Variants in BAZ1A observed in about 807,000 individuals in gnomAD.
The protein encoded by BAZ1A is bromodomain adjacent to zinc finger domain protein 1A.
In BAZ1A, 50 loss-of-function variants were observed where a neutral mutation model predicts 185.2. The ratio of observed to expected loss-of-function variants is 0.27; its 90% CI spans 0.22 to 0.34. The LOEUF (loss-of-function observed/expected upper bound fraction) is 0.34, where lower values mean the gene tolerates loss of function less well. Ranked by LOEUF, BAZ1A falls within the 10% of genes least tolerant of loss-of-function variation. The pLI is 1.00. For synonymous variants in BAZ1A, 571 were observed against 615.6 expected (o/e 0.93, Z 1.07); for missense variants, 1,356 against 1,839.9 (o/e 0.74, Z 4.81).
intron 3 of BAZ1A, among the ~76,000 whole-genome samples, chr14:34,834,103 G>A (rs2042292785): frequency 6.6e-6 from 1 of 152,108 alleles, no homozygotes; most frequent in Non-Finnish European, 1.5e-5. Flanking sequence ...AAAAGGCTCT[G>A]TACTTTAGTA....
chr14:34,825,892 C>G (rs1594879223), intron 4 of BAZ1A, 121 bp downstream of exon 4: 3 of 964,062 alleles, frequency 3.1e-6, no homozygotes, highest in Non-Finnish European at 4.3e-6. Context: ...GAGCTGAGAT[C>G]GAGCCACTGT....
chr14:34,764,965 T>G (rs1594813860), intron 22 of BAZ1A, 32 bp from the exon 23 acceptor site: 1 of 1,613,518 alleles, frequency 6.2e-7, no homozygotes, highest in Middle Eastern at 1.7e-4. Context: ...TCATTAATCA[T>G]CTATTGCTCA....
At chr14:34,807,220 G>C (rs887000623) in intron 6 of BAZ1A, among the ~76,000 whole-genome samples, 3 of 151,232 alleles carry the variant, frequency 2.0e-5, no homozygotes, top group African/African-American at 7.3e-5. Context: ...ATTTTCACCT[G>C]TCCTTGTTGA....
intron 3 of BAZ1A, among the ~76,000 whole-genome samples, chr14:34,848,052 G>A (rs2042541905): frequency 6.6e-6 from 1 of 152,022 alleles, no homozygotes; most frequent in Non-Finnish European, 1.5e-5. Flanking sequence ...TATAGAGGCG[G>A]GGTTTTGTCA....
chr14:34,868,894 ATGTATGTGTG>A (rs1464623130), intron 2 of BAZ1A, among the ~76,000 whole-genome samples: 127 of 71,128 alleles, frequency 1.8e-3, no homozygotes, highest in African/African-American at 5.1e-3. Flanking sequence ...GTATGTAAGT[ATGTATGTGTG>A]TGTGTGTGTG....
chr14:34,798,734 A>C (rs936547940), intron 9 of BAZ1A, among the ~76,000 whole-genome samples: 1 of 152,180 alleles, frequency 6.6e-6, no homozygotes, highest in Non-Finnish European at 1.5e-5. Context: ...TCAGGAAACA[A>C]CAGATGCTGG....
chr14:34,851,151 A>G (rs1201174629), intron 3 of BAZ1A, among the ~76,000 whole-genome samples: 1 of 151,908 alleles, frequency 6.6e-6, no homozygotes, highest in Non-Finnish European at 1.5e-5. Context: ...TGGCCAACGT[A>G]GCGAAATCCC....
intron 12 of BAZ1A, among the ~76,000 whole-genome samples, chr14:34,787,630 C>T (rs1880567583): frequency 6.6e-6 from 1 of 152,048 alleles, no homozygotes; most frequent in Non-Finnish European, 1.5e-5. Context: ...TTTCAGTGAG[C>T]CGAGATCACA....
At chr14:34,800,089 A>G (rs976120974) in intron 9 of BAZ1A, 135 bp downstream of exon 9, 1 of 928,760 alleles carries the variant, frequency 1.1e-6, no homozygotes, top group Non-Finnish European at 1.5e-6. Context: ...AGGGAGATAA[A>G]CCAATCAACT....
chr14:34,791,695 TTC>T (rs1229105748), intron 12 of BAZ1A, among the ~76,000 whole-genome samples: 1 of 152,204 alleles, frequency 6.6e-6, no homozygotes, highest in East Asian at 1.9e-4. Flanking sequence ...CTCCTAACAG[TTC>T]TGTTTTACTG....
Position 34,753,644 on chromosome 14 carries a change from T to G in BAZ1A, c.4535A>C (p.Asn1512Thr). ...FSNCFEYNPR[N>T]TSEAKAGTRL... is the part of the protein sequence containing the mutation. The stretch of plus-strand genomic sequence containing the variant: ...AGTTCCAGCTTTTGCTTCACTTGTG[T>G]TACGAGGGTTGTATTCAAAGCAGTT... Residue 1512 changes from asparagine (N) to threonine (T), a missense_variant, in exon 27 of 27, where the codon AAC (asparagine) becomes ACC (threonine). Physicochemically the swap from Asn to Thr is moderately conservative, Grantham distance 65 (BLOSUM62 0). This residue lies in a region of BAZ1A where 61 missense variants were observed against 117.9 expected (regional missense o/e 0.52). Transcript: ENST00000360310. 1 of 1,613,768 alleles carries G rather than the reference T, an allele frequency of 6.2e-7. No individual in the cohort carries two copies. The highest frequency in any genetic ancestry group is 2.2e-5 in the East Asian group (1 of 44,870).
At chr14:34,763,385 A>AC (rs1555337382) in intron 23 of BAZ1A, among the ~76,000 whole-genome samples, 2 of 146,136 alleles carry the variant, frequency 1.4e-5, no homozygotes, top group Non-Finnish European at 3.0e-5. Flanking sequence ...CTTCATACTC[A>AC]TTTTCCTGCT....
At chr14:34,841,723 T>C (rs890280019) in intron 3 of BAZ1A, among the ~76,000 whole-genome samples, 3 of 152,174 alleles carry the variant, frequency 2.0e-5, no homozygotes, top group Non-Finnish European at 4.4e-5. Flanking sequence ...CCTTATTCAG[T>C]CCTATATCAG....
intron 5 of BAZ1A, among the ~76,000 whole-genome samples, chr14:34,810,304 C>T (rs55805369): frequency 2.0e-5 from 3 of 152,062 alleles, no homozygotes; most frequent in African/African-American, 7.2e-5. Context: ...TCTGTATAAC[C>T]TAAAGCCAGT....
chr14:34,855,287 G>A (rs1460544137), intron 3 of BAZ1A, among the ~76,000 whole-genome samples: 2 of 152,136 alleles, frequency 1.3e-5, no homozygotes, highest in Non-Finnish European at 2.9e-5. Flanking sequence ...CTCACAGGCA[G>A]CAAACTGTTC....
At chr14:34,761,679 A>C (rs1175472304) in intron 24 of BAZ1A, 78 bp downstream of exon 24, 1 of 1,291,392 alleles carries the variant, frequency 7.7e-7, no homozygotes, top group Non-Finnish European at 1.1e-6. Context: ...TTAAAAAATG[A>C]TCCAAAGTAT....
At chr14:34,776,604 G>A in intron 17 of BAZ1A, 89 bp from the exon 18 acceptor site, 2 of 1,126,514 alleles carry the variant, frequency 1.8e-6, no homozygotes, top group Non-Finnish European at 2.5e-6. Context: ...AAGTTATTAG[G>A]TGTTATGAAC....
chr14:34,872,913 TA>T (rs35955993), intron 2 of BAZ1A, among the ~76,000 whole-genome samples: 5,513 of 75,624 alleles, frequency 0.073, 176 homozygotes, highest in East Asian at 0.19. Context: ...TTTAAAATCC[TA>T]AAAAAAAAAA....
chr14:34,786,966 A>G (rs2138619098), intron 12 of BAZ1A, among the ~76,000 whole-genome samples: 1 of 152,184 alleles, frequency 6.6e-6, no homozygotes, highest in South Asian at 2.1e-4. Flanking sequence ...CCATCACAAA[A>G]TCATCACAGA....
Sources: gnomAD v4.1 joint callset for allele counts (sites outside exome capture counted in the v4.1 genomes callset) on GRCh38, gnomAD v4.1.1 for gene constraint, gnomAD v4.1.1 regional missense constraint, MANE v1.5 for transcripts, NCBI Gene and HGNC (gene_info 2026-07-23, HGNC 2026-07-21) for gene names.